ANKRD22: variants seen among roughly 807,000 people sequenced by gnomAD.
The protein encoded by ANKRD22 is ankyrin repeat domain-containing protein 22.
ANKRD22 carries 24 observed loss-of-function variants against 25.7 expected under a neutral mutation model. The ratio of observed to expected loss-of-function variants is 0.93; its 90% confidence interval spans 0.68 to 1.31. The LOEUF (loss-of-function observed/expected upper bound fraction) is 1.31, where lower values mean the gene tolerates loss of function less well. Ranked by LOEUF, ANKRD22 falls within the 50% of genes most tolerant of loss-of-function variation. The pLI is 0.00. For missense variants in ANKRD22, 214 were observed against 227.1 expected (o/e 0.94, Z 0.37); for synonymous variants, 84 against 84.3 (o/e 1.00, Z 0.02).
chr10:88,851,609 C>G lies in ANKRD22; in HGVS notation c.-2G>C, dbSNP rs748392097. On this transcript the variant is annotated 5_prime_UTR_variant, in exon 1 of 6. Transcript: ENST00000371930. ...TACCTCAGAGTATAGGATTCCCATG[C>G]TGGTCCTTCACAGGCTTACTTCACC... The G allele has an allele frequency of 1.2e-5, 19 of 1,613,296 alleles. No homozygotes were observed. In the East Asian group the frequency reaches 3.6e-4, roughly 30 times the overall value.
intron 1 of ANKRD22, among the ~76,000 whole-genome samples, chr10:88,842,996 G>C (rs190960605): frequency 2.0e-5 from 3 of 151,906 alleles, no homozygotes; most frequent in African/African-American, 7.3e-5. Flanking sequence ...TTCCTCTCTG[G>C]TCCTTCATTC....
Position 88,821,162 on chromosome 10 carries a change from T to C in ANKRD22, c.*1779A>G, listed in dbSNP as rs996835714. On this transcript the variant is annotated 3_prime_UTR_variant, in exon 6 of 6. Coordinates refer to ENST00000371930, the MANE Select transcript of ANKRD22 (RefSeq NM_144590.3). Reference sequence around the variant, plus strand: ...TCAGTGTCTAGATTCTAGTCCAAGCTTGTTGGAAGGTTTACAGCTTGTTGC... The same window carrying C: ...TCAGTGTCTAGATTCTAGTCCAAGCCTGTTGGAAGGTTTACAGCTTGTTGC... Among the ~76,000 whole-genome samples the C allele has an allele frequency of 6.6e-6, 1 of 152,226 alleles. No homozygotes were observed. Among genetic ancestry groups the C allele is most frequent in the Non-Finnish European group, 1.5e-5 (1 of 68,042 alleles).
chr10:88,827,486 A>G (rs1275048637), intron 3 of ANKRD22, among the ~76,000 whole-genome samples: 6 of 152,222 alleles, frequency 3.9e-5, no homozygotes, highest in African/African-American at 1.2e-4. Flanking sequence ...AGAATCTCTA[A>G]AAATGTTTGT....
At chr10:88,835,826 A>G (rs1843948945) in intron 1 of ANKRD22, among the ~76,000 whole-genome samples, 1 of 152,118 alleles carries the variant, frequency 6.6e-6, no homozygotes, top group South Asian at 2.1e-4. Flanking sequence ...AGCGTAAGAA[A>G]AGCACTGACA....
chr10:88,837,908 G>A lies in ANKRD22; in HGVS notation c.22-5882C>T, dbSNP rs117124314. On this transcript the variant is annotated intron_variant, in intron 1 of 5. Coordinates refer to ENST00000371930, the MANE Select transcript of ANKRD22 (RefSeq NM_144590.3). ...CATTTGCCTTTTGCCAGATTGTGAG[G>A]CCTTCTCAGCCATGAGGAATTGTGA... 0.01 allele frequency among the ~76,000 whole-genome samples: 1,575 copies of A among 152,294 alleles called. 54 individuals are homozygous for A. The East Asian group carries it at 0.15, about 14-fold the overall frequency.
At position 88,820,033 on chromosome 10, in the gene ANKRD22, A is replaced by T. The variant is rs1213984014; in HGVS notation, c.*2908T>A. On this transcript the variant is annotated 3_prime_UTR_variant, in exon 6 of 6. Coordinates refer to ENST00000371930, the MANE Select transcript of ANKRD22 (RefSeq NM_144590.3). ...ATTATCCCCAGTCACAGAAGAAGAA[A>T]CTGAGGTTCAATAATGTTAAGTAAT... is the stretch of plus-strand genomic sequence containing the variant. 6.6e-6 allele frequency among the ~76,000 whole-genome samples: 1 copy of T among 152,212 alleles called. No homozygotes were observed. The highest frequency in any genetic ancestry group is 1.5e-5 in the Non-Finnish European group (1 of 68,032).
chr10:88,826,998 A>G (rs1417033856), intron 3 of ANKRD22, among the ~76,000 whole-genome samples: 1 of 152,194 alleles, frequency 6.6e-6, no homozygotes, highest in African/African-American at 2.4e-5. Context: ...ACTCCTCAGA[A>G]ATTCACTTTT....
intron 1 of ANKRD22, among the ~76,000 whole-genome samples, chr10:88,848,175 T>TATATATATATGTATATATGTATATATAC (rs1564608532): frequency 3.1e-5 from 2 of 64,450 alleles, no homozygotes; most frequent in East Asian, 6.5e-4. Context: ...TATATATGTG[T>TATATATATATGTATATATGTATATATAC]ATATATATAT....
rs374841412 is a variant in ANKRD22, at chr10:88,831,921, G to T, written c.127C>A (p.Pro43Thr). Residue 43 changes from proline to threonine, a missense_variant, in exon 2 of 6, where the codon CCC becomes ACC. By Grantham distance (38) the Pro-to-Thr change is conservative (BLOSUM62 -1). Transcript: ENST00000371930. ...NVQDGFNGDT[P>T]LICACRRGHV... Reference sequence around the variant, plus strand: ...CCTCGCCTGCAAGCACAGATCAGGGGCGTGTCTCCATTAAAGCCATCTTGA... The same window carrying T: ...CCTCGCCTGCAAGCACAGATCAGGGTCGTGTCTCCATTAAAGCCATCTTGA... 1.2e-6 allele frequency: 2 copies of T among 1,613,950 alleles called. No individual in the cohort carries two copies. Among genetic ancestry groups the T allele is most frequent in the Non-Finnish European group, 8.5e-7 (1 of 1,179,920 alleles).
chr10:88,848,463 G>A (rs145535577), intron 1 of ANKRD22, among the ~76,000 whole-genome samples: 13 of 152,008 alleles, frequency 8.6e-5, no homozygotes, highest in Non-Finnish European at 1.3e-4. Context: ...GGATGAAAAC[G>A]CCTGATGCTC....
rs1336921756 is a variant in ANKRD22, at chr10:88,831,894, G to A, written c.154C>T (p.His52Tyr). 1 of 1,613,092 alleles carries A rather than the reference G, an allele frequency of 6.2e-7. No individual in the cohort carries two copies. Among genetic ancestry groups the A allele is most frequent in the Admixed American group, 1.7e-5 (1 of 59,686 alleles). Residue 52 changes from histidine to tyrosine, a missense_variant, in exon 2 of 6, where the codon CAT (histidine) becomes TAT (tyrosine). His to Tyr is a moderately conservative substitution (Grantham distance 83). Coordinates refer to ENST00000371930, the MANE Select transcript of ANKRD22 (RefSeq NM_144590.3). ...TPLICACRRG[H>Y]VRIVSFLLRR... ...AAAAGGAAGGAAACGATTCTCACATGCCCTCGCCTGCAAGCACAGATCAGG... is the reference window on the plus strand; with the variant it reads ...AAAAGGAAGGAAACGATTCTCACATACCCTCGCCTGCAAGCACAGATCAGG...
chr10:88,848,158 ATATATG>A (rs1399042644), intron 1 of ANKRD22, among the ~76,000 whole-genome samples: 6 of 139,946 alleles, frequency 4.3e-5, no homozygotes, highest in African/African-American at 8.0e-5. Flanking sequence ...GTGTATATAT[ATATATG>A]TATATATGTG....
chr10:88,851,566 G>T (rs1457395437), intron 1 of ANKRD22, 21 bp downstream of exon 1: 3 of 1,612,848 alleles, frequency 1.9e-6, no homozygotes, highest in Non-Finnish European at 2.5e-6. Context: ...TTGGAACTCT[G>T]CTTTCAGAAA....
intron 1 of ANKRD22, among the ~76,000 whole-genome samples, chr10:88,832,457 CT>C (rs1843914051): frequency 1.3e-5 from 2 of 151,958 alleles, no homozygotes; most frequent in African/African-American, 4.8e-5. Context: ...ATACCTTTAT[CT>C]TTATCTTTAC....
At chr10:88,846,966 G>A (rs771517359) in intron 1 of ANKRD22, among the ~76,000 whole-genome samples, 15 of 152,100 alleles carry the variant, frequency 9.9e-5, no homozygotes, top group Non-Finnish European at 1.8e-4. Flanking sequence ...AAAATTTAAT[G>A]CCATGTTTTT....
chr10:88,828,114 G>A (rs887759438), intron 3 of ANKRD22, among the ~76,000 whole-genome samples: 1 of 152,156 alleles, frequency 6.6e-6, no homozygotes, highest in Admixed American at 6.5e-5. Flanking sequence ...TCTTCTGTGT[G>A]TGTCAGCTTC....
chr10:88,825,123 A>C (rs894976598), intron 4 of ANKRD22, among the ~76,000 whole-genome samples: 4 of 152,068 alleles, frequency 2.6e-5, no homozygotes, highest in African/African-American at 7.2e-5. Flanking sequence ...GAATGGGGCC[A>C]TGGTCTCTAT....
intron 4 of ANKRD22, 181 bp from the exon 5 acceptor site, chr10:88,823,559 G>A: frequency 1.9e-6 from 1 of 537,020 alleles, no homozygotes; most frequent in Non-Finnish European, 3.3e-6. Context: ...CGGGCGCGGT[G>A]GCTCACGCCT....
chr10:88,851,545 T>C (rs773701196), intron 1 of ANKRD22, 42 bp downstream of exon 1: 77 of 1,609,974 alleles, frequency 4.8e-5, no homozygotes, highest in Non-Finnish European at 5.9e-5. Context: ...CATGAGTAAC[T>C]TTTAACATCT....
Sources: gnomAD v4.1 joint callset for allele counts (sites outside exome capture counted in the v4.1 genomes callset) on GRCh38, gnomAD v4.1.1 for gene constraint, MANE v1.5 for transcripts, NCBI Gene and HGNC (gene_info 2026-07-23, HGNC 2026-07-21) for gene names.